Variants in TBC1D7 observed in about 807,000 individuals in gnomAD.
TBC1D7 encodes TBC domain family 7.
A neutral mutation model predicts 35.3 loss-of-function variants in TBC1D7; 33 were observed. The ratio of observed to expected loss-of-function variants is 0.93; its 90% CI spans 0.71 to 1.25. The LOEUF (loss-of-function observed/expected upper bound fraction) is 1.25. TBC1D7 is among the 50% of genes most tolerant of loss of function. The probability of loss-of-function intolerance (pLI) is 0.00; values close to 1 mark genes in which losing one functional copy is unlikely to be tolerated. For synonymous variants in TBC1D7, 135 were observed against 129.5 expected (o/e 1.04, Z -0.29); for missense variants, 362 against 365.3 (o/e 0.99, Z 0.07).
chr6:13,321,080 T>G lies in TBC1D7; in HGVS notation c.209A>C (p.His70Pro), dbSNP rs764477463. 1.2e-6 allele frequency: 2 copies of G among 1,612,804 alleles called. No individual in the cohort carries two copies. Among genetic ancestry groups the G allele is most frequent in the Non-Finnish European group, 1.7e-6 (2 of 1,179,116 alleles). Residue 70 changes from histidine (H) to proline (P), a missense_variant, in exon 4 of 8, where the codon CAC becomes CCC. Physicochemically the swap from His to Pro is moderately conservative, Grantham distance 77. Transcript: ENST00000379300. ...CATCACCTTGGCATGGGACTCGTGG[T>G]GTGGAGGCAAGATTCCTAGAGAGAA... ...WKVLLGILPPHHESHAKVMMY... is the reference protein window; with the variant it reads ...WKVLLGILPPPHESHAKVMMY...
chr6:13,306,025 A>C, intron 7 of TBC1D7: 1 of 200,596 alleles, frequency 5.0e-6, no homozygotes, highest in South Asian at 7.4e-5. Flanking sequence ...AGATGGTCTC[A>C]GACCATCATT....
chr6:13,324,112 GTTTT>G (rs924875532), intron 3 of TBC1D7, among the ~76,000 whole-genome samples: 1 of 149,846 alleles, frequency 6.7e-6, no homozygotes, highest in Non-Finnish European at 1.5e-5. Flanking sequence ...CAAACTGTAA[GTTTT>G]TTTTTGTTTG....
At position 13,307,666 on chromosome 6, in the gene TBC1D7, T is replaced by C. The variant is rs768908368; in HGVS notation, c.599A>G (p.Lys200Arg). Residue 200 changes from lysine to arginine, a missense_variant, in exon 6 of 8, where the codon AAA becomes AGA. Transcript: ENST00000379300. ...CTTGAACCAGAGATCATAAGGAAGT[T>C]TGGGCGCCGCGGAACACATCCTCAG... Reference protein sequence around the residue: ...THLRMCSAAPKLPYDLWFKRC... With the variant: ...THLRMCSAAPRLPYDLWFKRC... The C allele has an allele frequency of 1.5e-5, 25 of 1,614,128 alleles. No homozygotes were observed. In the African/African-American group the frequency reaches 2.7e-4, roughly 17 times the overall value.
intron 2 of TBC1D7, among the ~76,000 whole-genome samples, chr6:13,326,188 C>A (rs1212107646): frequency 6.6e-6 from 1 of 152,096 alleles, no homozygotes; most frequent in Non-Finnish European, 1.5e-5. Context: ...ATGGGCTGGG[C>A]ATGGTGACTC....
chr6:13,324,197 G>A (rs6905139), intron 3 of TBC1D7, among the ~76,000 whole-genome samples: 19,578 of 151,420 alleles, frequency 0.13, 1,495 homozygotes, highest in East Asian at 0.3. Context: ...GTGCCATCTC[G>A]TCTCACTGCA....
intron 5 of TBC1D7, among the ~76,000 whole-genome samples, chr6:13,316,310 C>T (rs1388361122): frequency 6.6e-6 from 1 of 152,182 alleles, no homozygotes; most frequent in Non-Finnish European, 1.5e-5. Context: ...AGAGCAAATC[C>T]AGCCAGGAAC....
At chr6:13,318,711 C>T (rs928421945) in intron 4 of TBC1D7, 8 of 152,192 alleles carry the variant, frequency 5.3e-5, no homozygotes, top group African/African-American at 1.9e-4. Context: ...GAACAATTCA[C>T]TGTTTTAGCC....
chr6:13,325,560 G>C (rs2127544136), intron 2 of TBC1D7, among the ~76,000 whole-genome samples: 1 of 152,326 alleles, frequency 6.6e-6, no homozygotes, highest in South Asian at 2.1e-4. Flanking sequence ...CTAGTCAAGA[G>C]GCTGAGACAG....
At chr6:13,326,993 A>T in intron 1 of TBC1D7, 87 bp from the exon 2 acceptor site, 1 of 713,180 alleles carries the variant, frequency 1.4e-6, no homozygotes, top group South Asian at 1.8e-5. Context: ...AATTAGAATA[A>T]TTTTCAATGA....
Position 13,314,655 on chromosome 6 carries a change from G to A in TBC1D7, c.519+1916C>T, listed in dbSNP as rs185243221. The stretch of plus-strand genomic sequence containing the variant: ...CTTAAAAATCAAATTTTACTTAGTT[G>A]AAATATATAAAAACTGCTCTTGTAA... On this transcript the variant is annotated intron_variant, in intron 5 of 7. Transcript: ENST00000379300. Among the ~76,000 whole-genome samples the A allele has an allele frequency of 5.8e-4, 89 of 152,196 alleles. No homozygotes were observed. In the East Asian group the frequency reaches 0.012, roughly 20 times the overall value.
At chr6:13,311,420 A>G (rs2496141) in intron 5 of TBC1D7, among the ~76,000 whole-genome samples, 65,715 of 152,018 alleles carry the variant, frequency 0.43, 14,599 homozygotes, top group East Asian at 0.63. Flanking sequence ...CAGGGGCATC[A>G]TTATCTTCTT....
intron 5 of TBC1D7, among the ~76,000 whole-genome samples, chr6:13,310,564 G>A (rs1346142759): frequency 2.0e-5 from 3 of 150,706 alleles, no homozygotes; most frequent in Non-Finnish European, 4.4e-5. Flanking sequence ...CTTGAACCTG[G>A]GAGGCAGAGG....
chr6:13,317,148 A>T (rs1158882346), intron 4 of TBC1D7, among the ~76,000 whole-genome samples: 1 of 152,208 alleles, frequency 6.6e-6, no homozygotes, highest in African/African-American at 2.4e-5. Context: ...AAGACTAATA[A>T]AGCATTTGCT....
intron 5 of TBC1D7, among the ~76,000 whole-genome samples, chr6:13,315,853 A>G (rs1412326713): frequency 6.6e-6 from 1 of 152,238 alleles, no homozygotes; most frequent in Non-Finnish European, 1.5e-5. Flanking sequence ...TATGCAGAGT[A>G]TCAACTATGC....
At chr6:13,316,338 C>G (rs1257404768) in intron 5 of TBC1D7, among the ~76,000 whole-genome samples, 1 of 152,188 alleles carries the variant, frequency 6.6e-6, no homozygotes, top group African/African-American at 2.4e-5. Flanking sequence ...TATGCGTTGC[C>G]TAAGGTTGCT....
At chr6:13,323,600 A>G (rs1235247017) in intron 3 of TBC1D7, 1 of 152,192 alleles carries the variant, frequency 6.6e-6, no homozygotes, top group African/African-American at 2.4e-5. Context: ...GAAAAACTAA[A>G]ATAGTTGTCA....
At chr6:13,321,636 T>C (rs1263915460) in intron 3 of TBC1D7, among the ~76,000 whole-genome samples, 1 of 152,238 alleles carries the variant, frequency 6.6e-6, no homozygotes, top group Non-Finnish European at 1.5e-5. Flanking sequence ...TTAAGCTCCT[T>C]AACCCATTTA....
chr6:13,324,983 TA>T, intron 3 of TBC1D7, 110 bp downstream of exon 3: 1 of 712,086 alleles, frequency 1.4e-6, no homozygotes, highest in Non-Finnish European at 2.3e-6. Flanking sequence ...GAAGATCCAA[TA>T]TTCAGTAAAA....
In TBC1D7 at chr6:13,325,180, GGAA is replaced by G; in HGVS notation, c.113-9_113-7del. 6.2e-7 allele frequency: 1 copy of G among 1,606,530 alleles called. No homozygotes were observed. The highest frequency in any genetic ancestry group is 8.5e-7 in the Non-Finnish European group (1 of 1,173,904). ...AGTACAAAGTTTCTCAGTATCTAGA[GGAA>G]GAAGAAAACAATTGTTAGAAGCTTT... On this transcript the variant is annotated splice_region_variant and splice_polypyrimidine_tract_variant and intron_variant, in intron 2 of 7. Transcript: ENST00000379300.
Sources: allele counts gnomAD v4.1 joint callset (sites outside exome capture counted in the v4.1 genomes callset), GRCh38; gene constraint gnomAD v4.1.1; transcripts MANE v1.5; gene names NCBI Gene and HGNC (gene_info 2026-07-23, HGNC 2026-07-21).